HTR1F: variants seen among roughly 807,000 people sequenced by gnomAD.
HTR1F encodes 5-hydroxytryptamine (serotonin) receptor 1F, G protein-coupled.
A neutral mutation model predicts 24.0 loss-of-function variants in HTR1F; 17 were observed. The ratio of observed to expected loss-of-function variants is 0.71; its 90% CI spans 0.48 to 1.06. The LOEUF is 1.06. Ranked by LOEUF, HTR1F falls within the 50% of genes least tolerant of loss-of-function variation. The pLI, the probability that HTR1F is intolerant of heterozygous loss-of-function variation, is 0.00. For missense variants in HTR1F, 391 were observed against 427.8 expected (o/e 0.91, Z 0.76); for synonymous variants, 186 against 156.8 (o/e 1.19, Z -1.39).
intron 2 of HTR1F, among the ~76,000 whole-genome samples, chr3:87,948,430 C>T (rs955163191): frequency 6.6e-6 from 1 of 151,930 alleles, no homozygotes; most frequent in Non-Finnish European, 1.5e-5. Context: ...TTGAAACTCT[C>T]AAGTAAGAGG....
At chr3:87,902,970 G>A (rs942438372) in intron 2 of HTR1F, among the ~76,000 whole-genome samples, 29 of 151,228 alleles carry the variant, frequency 1.9e-4, no homozygotes, top group South Asian at 6.3e-4. Context: ...AAATAATGCC[G>A]CATATCTACA....
intron 2 of HTR1F, among the ~76,000 whole-genome samples, chr3:87,938,309 A>G (rs1315227817): frequency 1.3e-5 from 2 of 152,194 alleles, no homozygotes; most frequent in Non-Finnish European, 2.9e-5. Flanking sequence ...AAATGGAAAA[A>G]CATTCCACGC....
intron 2 of HTR1F, among the ~76,000 whole-genome samples, chr3:87,850,418 T>C (rs138157534): frequency 2.6e-5 from 4 of 151,692 alleles, no homozygotes; most frequent in Non-Finnish European, 5.9e-5. Context: ...TGAGAACACA[T>C]GAACACAGGA....
intron 1 of HTR1F, among the ~76,000 whole-genome samples, 35 bp downstream of exon 1, chr3:87,792,877 C>G (rs1196896013): frequency 6.6e-6 from 1 of 152,164 alleles, no homozygotes; most frequent in Non-Finnish European, 1.5e-5. Context: ...CCCGGGAGTG[C>G]GGGTCACGCC....
chr3:87,898,622 A>T (rs1706253292), intron 2 of HTR1F, among the ~76,000 whole-genome samples: 1 of 152,180 alleles, frequency 6.6e-6, no homozygotes, highest in South Asian at 2.1e-4. Flanking sequence ...TCATTTAGAA[A>T]TATAAATTCA....
At chr3:87,981,683 G>A (rs1451823664) in intron 2 of HTR1F, among the ~76,000 whole-genome samples, 3 of 152,106 alleles carry the variant, frequency 2.0e-5, no homozygotes, top group African/African-American at 7.2e-5. Context: ...GTCAAACAAA[G>A]CAAATAGTAC....
At chr3:87,974,179 C>T (rs1341239945) in intron 2 of HTR1F, among the ~76,000 whole-genome samples, 3 of 152,216 alleles carry the variant, frequency 2.0e-5, no homozygotes, top group African/African-American at 4.8e-5. Context: ...TTGTTGCCAA[C>T]GGGCAACATC....
At chr3:87,859,701 C>T (rs1470504454) in intron 2 of HTR1F, among the ~76,000 whole-genome samples, 2 of 152,146 alleles carry the variant, frequency 1.3e-5, no homozygotes, top group African/African-American at 4.8e-5. Flanking sequence ...AGTGGCTCAG[C>T]CTCCCTCTTG....
At chr3:87,908,421 A>G (rs1464283740) in intron 2 of HTR1F, among the ~76,000 whole-genome samples, 1 of 151,978 alleles carries the variant, frequency 6.6e-6, no homozygotes, top group Non-Finnish European at 1.5e-5. Flanking sequence ...ATTCCCAGAG[A>G]TTCTGATGTG....
chr3:87,844,509 C>CTG (rs1187308079), intron 2 of HTR1F, among the ~76,000 whole-genome samples: 19 of 135,316 alleles, frequency 1.4e-4, no homozygotes, highest in Non-Finnish European at 2.6e-4. Flanking sequence ...GTTTGTTTTG[C>CTG]TGTGCAGAAG....
intron 2 of HTR1F, among the ~76,000 whole-genome samples, chr3:87,896,418 T>TAGA (rs1706200522): frequency 6.6e-6 from 1 of 152,188 alleles, no homozygotes; most frequent in Non-Finnish European, 1.5e-5. Context: ...TTGCCCAAGA[T>TAGA]AGAACATGTT....
rs952314139 is a variant in HTR1F, at chr3:87,886,899, C to G, written c.-43+64775C>G. ...CAATATCGTGAAAATGGCCATACTG[C>G]CCAAGGTAATTTATAGATTCAATGC... is the stretch of plus-strand genomic sequence containing the variant. On this transcript the variant is annotated intron_variant, in intron 2 of 2. Coordinates refer to ENST00000319595, the MANE Select transcript of HTR1F (RefSeq NM_001322209.2). Among the ~76,000 whole-genome samples the G allele has an allele frequency of 2.0e-3, 312 of 152,230 alleles. 3 individuals are homozygous for G. The highest frequency in any genetic ancestry group is 1.1e-3 in the Non-Finnish European group (75 of 68,018).
chr3:87,818,151 C>T (rs1456130187), intron 1 of HTR1F, among the ~76,000 whole-genome samples: 4 of 152,048 alleles, frequency 2.6e-5, no homozygotes, highest in South Asian at 2.1e-4. Flanking sequence ...GTAAAGCAGC[C>T]CTCAGAATGA....
chr3:87,931,026 C>CTTTTTTTTTTTTTTTTTTTTTT (rs34617109), intron 2 of HTR1F, among the ~76,000 whole-genome samples: 1 of 131,838 alleles, frequency 7.6e-6, no homozygotes, highest in Non-Finnish European at 1.6e-5. Context: ...ATAGTCTTTC[C>CTTTTTTTTTTTTTTTTTTTTTT]TTTTTTTTTT....
At chr3:87,832,265 A>T (rs968277799) in intron 2 of HTR1F, among the ~76,000 whole-genome samples, 9 of 152,060 alleles carry the variant, frequency 5.9e-5, no homozygotes, top group African/African-American at 2.2e-4. Context: ...AATTATATGT[A>T]ATGTATAATA....
Position 87,990,804 on chromosome 3 carries a change from A to C in HTR1F, c.55A>C (p.Arg19=). Residue 19 remains arginine, a synonymous_variant, in exon 3 of 3, where the codon AGA becomes CGA. Transcript: ENST00000319595. ...QNLTSEELLN[R]MPSKILVSLT... ...CTTGACCTCAGAGGAACTGTTAAACAGAATGCCATCCAAAATTCTGGTGTC... is the reference window on the plus strand; with the variant it reads ...CTTGACCTCAGAGGAACTGTTAAACCGAATGCCATCCAAAATTCTGGTGTC... The C allele has an allele frequency of 6.2e-7, 1 of 1,613,954 alleles. No homozygotes were observed. The highest frequency in any genetic ancestry group is 8.5e-7 in the Non-Finnish European group (1 of 1,179,788).
intron 2 of HTR1F, among the ~76,000 whole-genome samples, chr3:87,963,375 A>G (rs1043324215): frequency 3.3e-5 from 5 of 152,122 alleles, no homozygotes; most frequent in Admixed American, 1.3e-4. Flanking sequence ...AAAGCTTCTT[A>G]TATTAGTCAA....
At chr3:87,935,749 C>A (rs1704396952) in intron 2 of HTR1F, among the ~76,000 whole-genome samples, 1 of 151,836 alleles carries the variant, frequency 6.6e-6, no homozygotes, top group Non-Finnish European at 1.5e-5. Flanking sequence ...TTTAACATCT[C>A]TGTGTTAGAA....
Position 87,990,777 on chromosome 3 carries a change from A to C in HTR1F, c.28A>C (p.Asn10His), listed in dbSNP as rs1705803334. The C allele has an allele frequency of 6.2e-7, 1 of 1,613,300 alleles. No individual in the cohort carries two copies. Residue 10 changes from asparagine (N) to histidine (H), a missense_variant, in exon 3 of 3, where the codon AAC (asparagine) becomes CAC (histidine). Transcript: ENST00000319595. The part of the protein sequence containing the change: MDFLNSSDQ[N>H]LTSEELLNRM... ...GGATTTCTTAAATTCATCTGATCAA[A>C]ACTTGACCTCAGAGGAACTGTTAAA... is the stretch of plus-strand genomic sequence containing the variant.
Sources: gnomAD v4.1 joint callset for allele counts (sites outside exome capture counted in the v4.1 genomes callset) on GRCh38, gnomAD v4.1.1 for gene constraint, MANE v1.5 for transcripts, NCBI Gene and HGNC (gene_info 2026-07-23, HGNC 2026-07-21) for gene names.